Variants in ZNF727 observed in about 807,000 individuals in gnomAD.
ZNF727 encodes putative zinc finger protein 727.
ZNF727 carries 11 observed loss-of-function variants against 11.5 expected under a neutral mutation model. The observed-to-expected ratio is 0.95, with a 90% CI of 0.60 to 1.58. The LOEUF is 1.58. ZNF727 is among the 40% of genes most tolerant of loss of function. The pLI, the probability that ZNF727 is intolerant of heterozygous loss-of-function variation, is 0.00. For missense variants in ZNF727, 533 were observed against 581.7 expected, an observed-to-expected ratio of 0.92 and a Z score of 0.86; for synonymous variants, 171 against 196.1, an observed-to-expected ratio of 0.87 and a Z score of 1.07.
At position 64,085,326 on chromosome 7, in the gene ZNF727, A is replaced by G. The variant is rs114109528; in HGVS notation, c.*6777A>G. On this transcript the variant is annotated 3_prime_UTR_variant, in exon 4 of 4. Coordinates refer to ENST00000456806, the MANE Select transcript of ZNF727 (RefSeq NM_001159522.3). Reference sequence around the variant, plus strand: ...TGATATAATTGATTTTATTAAATTTATTGGGTCAATTTATTCAAGTAGAGT... The same window carrying G: ...TGATATAATTGATTTTATTAAATTTGTTGGGTCAATTTATTCAAGTAGAGT... Among the ~76,000 whole-genome samples, 860 of 152,298 alleles carry G rather than the reference A, an allele frequency of 5.6e-3. 7 individuals are homozygous for G. Among genetic ancestry groups the G allele is most frequent in the African/African-American group, 0.019 (786 of 41,562 alleles).
In ZNF727 at chr7:64,077,378, C is replaced by T. The variant is rs1274847471; in HGVS notation, c.329C>T (p.Thr110Ile). The T allele has an allele frequency of 1.3e-6, 2 of 1,551,544 alleles. No homozygotes were observed. The highest frequency in any genetic ancestry group is 2.4e-5 in the East Asian group (1 of 40,876). Residue 110 changes from threonine to isoleucine, a missense_variant, in exon 4 of 4, where the codon ACT (threonine) becomes ATT (isoleucine). This residue lies in a region of ZNF727 where 463 missense variants were observed against 494.5 expected (regional missense o/e 0.94). Transcript: ENST00000456806. ...AAATCTGGAAGCTGTGACCTTAATA[C>T]TTTACGTTTAAAGAAAGACTACCAA... ...LRKSGSCDLN[T>I]LRLKKDYQRV...
At chr7:64,069,637 C>T (rs370092788) in intron 3 of ZNF727, 28 bp downstream of exon 3, 10 of 1,508,062 alleles carry the variant, frequency 6.6e-6, no homozygotes, top group Non-Finnish European at 9.0e-6. Context: ...AAGCAAATGA[C>T]ATAAATGACG....
chr7:64,053,616 G>A (rs1042890211), intron 1 of ZNF727, among the ~76,000 whole-genome samples: 1 of 152,030 alleles, frequency 6.6e-6, no homozygotes, highest in African/African-American at 2.4e-5. Flanking sequence ...ACTGCACTGG[G>A]CTGAGATCTG....
chr7:64,069,072 CTT>C (rs35929359), intron 2 of ZNF727, 55 bp downstream of exon 2: 517 of 1,210,750 alleles, frequency 4.3e-4, no homozygotes, highest in South Asian at 9.8e-4. Flanking sequence ...TTTATTTCCT[CTT>C]TTTTTTTTTG....
chr7:64,067,388 T>C (rs1308051673), intron 1 of ZNF727, among the ~76,000 whole-genome samples: 1 of 152,150 alleles, frequency 6.6e-6, no homozygotes, highest in Non-Finnish European at 1.5e-5. Flanking sequence ...CGTAACTGGG[T>C]ATATACCCAA....
At chr7:64,062,030 G>T (rs1302573906) in intron 1 of ZNF727, among the ~76,000 whole-genome samples, 1 of 86,818 alleles carries the variant, frequency 1.2e-5, no homozygotes, top group Non-Finnish European at 3.0e-5. Flanking sequence ...TTAACATTTT[G>T]TCGTTTCTAT....
intron 1 of ZNF727, among the ~76,000 whole-genome samples, chr7:64,058,535 C>T (rs751904714): frequency 3.3e-5 from 5 of 152,078 alleles, no homozygotes; most frequent in Non-Finnish European, 7.3e-5. Context: ...CTCAACTGGG[C>T]TTCTGAGTCA....
At chr7:64,057,495 C>G (rs1019115866) in intron 1 of ZNF727, among the ~76,000 whole-genome samples, 3 of 152,136 alleles carry the variant, frequency 2.0e-5, no homozygotes, top group East Asian at 3.9e-4. Flanking sequence ...ACTAATAAGT[C>G]GAAGCTGAAT....
At chr7:64,061,818 T>C (rs1789775902) in intron 1 of ZNF727, among the ~76,000 whole-genome samples, 1 of 151,990 alleles carries the variant, frequency 6.6e-6, no homozygotes, top group African/African-American at 2.4e-5. Context: ...ATTTATCTAG[T>C]GGTGTGTTTT....
At chr7:64,076,029 TG>T (rs1448188034) in intron 3 of ZNF727, among the ~76,000 whole-genome samples, 1 of 84,652 alleles carries the variant, frequency 1.2e-5, no homozygotes, top group East Asian at 3.1e-4. Context: ...TGTTAAATTT[TG>T]TTTACTATTT....
intron 1 of ZNF727, among the ~76,000 whole-genome samples, chr7:64,067,386 G>T (rs2116309452): frequency 6.6e-6 from 1 of 152,124 alleles, no homozygotes; most frequent in African/African-American, 2.4e-5. Flanking sequence ...CCCGTAACTG[G>T]GTATATACCC....
At position 64,078,067 on chromosome 7, in the gene ZNF727, T is replaced by C. The variant is rs1439732631; in HGVS notation, c.1018T>C (p.Tyr340His). The C allele has an allele frequency of 6.2e-7, 1 of 1,611,570 alleles. No homozygotes were observed. The highest frequency in any genetic ancestry group is 8.5e-7 in the Non-Finnish European group (1 of 1,178,902). The change falls in exon 4 of 4, where the codon TAC becomes CAC. Residue 340 changes from tyrosine to histidine, a missense_variant. By Grantham distance (83) the Tyr-to-His change is moderately conservative (BLOSUM62 2). Around this residue, in one of 3 missense-constraint regions of ZNF727, gnomAD observed 463 missense variants for 494.5 expected, o/e 0.94. Coordinates refer to ENST00000456806, the MANE Select transcript of ZNF727 (RefSeq NM_001159522.3). ...CAGAATTCATACTGGAGAGAAACCC[T>C]ACATTTGTGAAGAATGTGGCAAAGC... is the stretch of plus-strand genomic sequence containing the variant. ...HNRIHTGEKP[Y>H]ICEECGKAFT...
chr7:64,077,895 AC>A lies in ZNF727; in HGVS notation c.849del (p.Tyr284ThrfsTer82). Reference protein sequence around the residue: ...KHKRIHTGEKPYKCKECHKAF... With the variant: ...KHKRIHTGEKXYKCKECHKAF... ...ATAAGAGAATTCATACTGGAGAGAAACCCTACAAATGTAAAGAATGTCACAA... is the reference window on the plus strand; with the variant it reads ...ATAAGAGAATTCATACTGGAGAGAAACCTACAAATGTAAAGAATGTCACAA... On this transcript the variant is annotated frameshift_variant, in exon 4 of 4. Transcript: ENST00000456806. LOFTEE classifies it low-confidence loss of function (END_TRUNC). The A allele has an allele frequency of 6.3e-7, 1 of 1,582,194 alleles. No individual in the cohort carries two copies. Among genetic ancestry groups the A allele is most frequent in the Non-Finnish European group, 8.6e-7 (1 of 1,163,538 alleles).
At chr7:64,072,197 C>G (rs1185266491) in intron 3 of ZNF727, among the ~76,000 whole-genome samples, 1 of 152,034 alleles carries the variant, frequency 6.6e-6, no homozygotes, top group Non-Finnish European at 1.5e-5. Flanking sequence ...AGGTACAAAT[C>G]TTCTCTTGGG....
chr7:64,077,979 A>G lies in ZNF727; in HGVS notation c.930A>G (p.Lys310=), dbSNP rs558613473. 1.9e-6 allele frequency: 3 copies of G among 1,597,512 alleles called. No individual in the cohort carries two copies. Among genetic ancestry groups the G allele is most frequent in the Non-Finnish European group, 2.6e-6 (3 of 1,171,136 alleles). ...TKHKRIHTGE[K]PYKCNECGKA... ...ATAAGAGAATTCATACTGGAGAGAA[A>G]CCCTACAAATGTAATGAATGTGGAA... is the stretch of plus-strand genomic sequence containing the variant. Residue 310 remains lysine (K), a synonymous_variant, in exon 4 of 4, where the codon AAA becomes AAG. Transcript: ENST00000456806.
chr7:64,080,836 G>T lies in ZNF727; in HGVS notation c.*2287G>T, dbSNP rs1338675125. Among the ~76,000 whole-genome samples, 1 of 151,764 alleles carries T rather than the reference G, an allele frequency of 6.6e-6. No individual in the cohort carries two copies. The highest frequency in any genetic ancestry group is 1.5e-5 in the Non-Finnish European group (1 of 67,982). Reference sequence around the variant, plus strand: ...GAGTATTTGATTGTGGTAAAAGGTGGATTCAGCCAACAGGCTTTGTTCCTG... The same window carrying T: ...GAGTATTTGATTGTGGTAAAAGGTGTATTCAGCCAACAGGCTTTGTTCCTG... On this transcript the variant is annotated 3_prime_UTR_variant, in exon 4 of 4. Transcript: ENST00000456806.
chr7:64,062,685 A>AATATATATATATATATCTATATAT (rs1789790426), intron 1 of ZNF727, among the ~76,000 whole-genome samples: 1 of 89,978 alleles, frequency 1.1e-5, no homozygotes, highest in African/African-American at 3.6e-5. Flanking sequence ...CTTGTACTTG[A>AATATATATATATATATCTATATAT]ATATATATAT....
Position 64,080,776 on chromosome 7 carries a change from G to A in ZNF727, c.*2227G>A, listed in dbSNP as rs1178538546. On this transcript the variant is annotated 3_prime_UTR_variant, in exon 4 of 4. Transcript: ENST00000456806. ...TCTTTAAAGTTGCTGAACTTTGAAT[G>A]GGGTTTGGTTTTTTGGATCCTATTT... Among the ~76,000 whole-genome samples the A allele has an allele frequency of 6.6e-6, 1 of 152,110 alleles. No individual in the cohort carries two copies. The highest frequency in any genetic ancestry group is 6.5e-5 in the Admixed American group (1 of 15,268).
rs1789489101 is a variant in ZNF727, at chr7:64,045,626, T to C, written c.3+2T>C. On this transcript the variant is annotated splice_donor_variant, in intron 1 of 3. Transcript: ENST00000456806. LOFTEE classifies it high-confidence loss of function. ...GGAACATCCGGAGGCTGGGAAATGG[T>C]GAGTGCGCGGAGTGGGTGTCCCGAG... The C allele has an allele frequency of 5.8e-6, 9 of 1,558,950 alleles. No individual in the cohort carries two copies. The highest frequency in any genetic ancestry group is 6.1e-6 in the Non-Finnish European group (7 of 1,151,194).
Sources: allele counts gnomAD v4.1 joint callset (sites outside exome capture counted in the v4.1 genomes callset), GRCh38; gene constraint gnomAD v4.1.1; regional missense constraint gnomAD v4.1.1; transcripts MANE v1.5; gene names NCBI Gene and HGNC (gene_info 2026-07-23, HGNC 2026-07-21).